SLC35D4: variants seen among roughly 807,000 people sequenced by gnomAD.
SLC35D4 encodes the protein UDP-N-acetylglucosamine transporter SLC35D4.
chr18:23,300,943 A>C, the SLC35D4 span, among the ~76,000 whole-genome samples: 1 of 152,190 alleles, frequency 6.6e-6, no homozygotes, highest in Non-Finnish European at 1.5e-5. Context: ...TATTCAATTA[A>C]TTCCTGTTGA....
the SLC35D4 span, chr18:23,421,534 G>A: frequency 2.6e-6 from 3 of 1,153,136 alleles, no homozygotes; most frequent in African/African-American, 4.6e-5. Flanking sequence ...CTGACACAAA[G>A]AGACAAGTTC....
chr18:23,383,070 G>C, the SLC35D4 span, among the ~76,000 whole-genome samples: 1 of 152,298 alleles, frequency 6.6e-6, no homozygotes, highest in South Asian at 2.1e-4. Flanking sequence ...GCTACCAAGT[G>C]AGAAGCAGGT....
chr18:23,252,165 G>T, the SLC35D4 span, among the ~76,000 whole-genome samples: 1 of 152,266 alleles, frequency 6.6e-6, no homozygotes, highest in East Asian at 1.9e-4. Context: ...CTTACATAAG[G>T]CAAATTTATA....
At chr18:23,323,765 T>A in the SLC35D4 span, among the ~76,000 whole-genome samples, 2 of 151,964 alleles carry the variant, frequency 1.3e-5, no homozygotes, top group Non-Finnish European at 2.9e-5. Flanking sequence ...GCCCTCACCA[T>A]GAGATTCGTG....
chr18:23,350,443 C>A, the SLC35D4 span, among the ~76,000 whole-genome samples: 1 of 152,136 alleles, frequency 6.6e-6, no homozygotes, highest in Non-Finnish European at 1.5e-5. Flanking sequence ...TCTGCCCTGG[C>A]TTTTACTTTC....
the SLC35D4 span, among the ~76,000 whole-genome samples, chr18:23,242,330 T>C: frequency 2.0e-5 from 3 of 151,546 alleles, no homozygotes; most frequent in Admixed American, 6.6e-5. Context: ...GCTGGCCCGG[T>C]GGTTTGGTCT....
At chr18:23,398,769 C>T in the SLC35D4 span, among the ~76,000 whole-genome samples, 3 of 152,242 alleles carry the variant, frequency 2.0e-5, no homozygotes, top group East Asian at 3.9e-4. Context: ...ATCTAAGGGG[C>T]TAACATAACA....
chr18:23,411,424 G>T, the SLC35D4 span, among the ~76,000 whole-genome samples: 5 of 144,694 alleles, frequency 3.5e-5, no homozygotes, highest in Non-Finnish European at 7.6e-5. Context: ...AGAGAAAGAA[G>T]AAAGAAAGAC....
At chr18:23,389,955 T>C in the SLC35D4 span, among the ~76,000 whole-genome samples, 3 of 152,236 alleles carry the variant, frequency 2.0e-5, no homozygotes, top group African/African-American at 7.2e-5. Flanking sequence ...TCAGAAAATC[T>C]GCCCTTTATT....
the SLC35D4 span, among the ~76,000 whole-genome samples, chr18:23,359,645 A>C: frequency 6.6e-6 from 1 of 152,114 alleles, no homozygotes; most frequent in Non-Finnish European, 1.5e-5. Context: ...CGCCCTCAAA[A>C]CTGGCAGGAA....
the SLC35D4 span, among the ~76,000 whole-genome samples, chr18:23,268,220 T>C: frequency 4.6e-5 from 7 of 152,232 alleles, no homozygotes; most frequent in Non-Finnish European, 7.3e-5. Context: ...GTATTTATTA[T>C]ACAAACATTC....
At chr18:23,302,614 C>G in the SLC35D4 span, among the ~76,000 whole-genome samples, 4 of 152,342 alleles carry the variant, frequency 2.6e-5, no homozygotes, top group South Asian at 8.3e-4. Context: ...TATTTGAACA[C>G]TTATCCCCTA....
the SLC35D4 span, among the ~76,000 whole-genome samples, chr18:23,287,613 T>C: frequency 6.6e-6 from 1 of 152,232 alleles, no homozygotes; most frequent in African/African-American, 2.4e-5. Context: ...CGCCTTTGGA[T>C]ACCTGGTTTT....
the SLC35D4 span, among the ~76,000 whole-genome samples, chr18:23,287,194 A>C: frequency 1.8e-4 from 27 of 151,642 alleles, no homozygotes; most frequent in African/African-American, 5.1e-4. Flanking sequence ...AGGATCTATG[A>C]CTTATCAACC....
the SLC35D4 span, among the ~76,000 whole-genome samples, chr18:23,255,202 G>T: frequency 1.6e-3 from 241 of 152,198 alleles, no homozygotes; most frequent in Non-Finnish European, 3.0e-3. Context: ...GAGCAAAAGG[G>T]GTCACTGTGG....
the SLC35D4 span, among the ~76,000 whole-genome samples, chr18:23,406,949 G>A: frequency 6.6e-6 from 1 of 152,124 alleles, no homozygotes. Context: ...GGGACTACAG[G>A]TGCACACCAC....
At chr18:23,286,916 TC>T in the SLC35D4 span, among the ~76,000 whole-genome samples, 1 of 151,894 alleles carries the variant, frequency 6.6e-6, no homozygotes, top group African/African-American at 2.4e-5. Context: ...CTCCTTTGCG[TC>T]CTCCTCTTGT....
At chr18:23,304,628 T>C in the SLC35D4 span, among the ~76,000 whole-genome samples, 1 of 152,104 alleles carries the variant, frequency 6.6e-6, no homozygotes, top group Non-Finnish European at 1.5e-5. Flanking sequence ...GTTTCTTCTC[T>C]GGGCAGCTGG....
the SLC35D4 span, among the ~76,000 whole-genome samples, chr18:23,371,942 T>TTTTTTTTTTTG: frequency 6.5e-5 from 2 of 30,748 alleles, no homozygotes; most frequent in African/African-American, 1.8e-4. Flanking sequence ...TTTGTTTTTT[T>TTTTTTTTTTTG]TTTTTTTTTT....
Sources: gnomAD v4.1 joint callset for allele counts (sites outside exome capture counted in the v4.1 genomes callset) on GRCh38, gnomAD v4.1.1 for gene constraint, MANE v1.5 for transcripts, NCBI Gene and HGNC (gene_info 2026-07-23, HGNC 2026-07-21) for gene names.